HAT1: variants seen among roughly 807,000 people sequenced by gnomAD.
HAT1 encodes the protein histone acetyltransferase 1.
A neutral mutation model predicts 56.6 loss-of-function variants in HAT1; 20 were observed. The ratio of observed to expected loss-of-function variants is 0.35; its 90% CI spans 0.25 to 0.51. The LOEUF (loss-of-function observed/expected upper bound fraction) is 0.51, where lower values mean the gene tolerates loss of function less well. Ranked by LOEUF, HAT1 falls within the 20% of genes least tolerant of loss-of-function variation. The pLI is 0.95. For synonymous variants in HAT1, 146 were observed against 165.5 expected (o/e 0.88, Z 0.91); for missense variants, 408 against 504.3 (o/e 0.81, Z 1.83).
intron 10 of HAT1, chr2:171,980,492 G>C (rs1242251339): frequency 1.3e-5 from 2 of 151,806 alleles, no homozygotes; most frequent in Non-Finnish European, 2.9e-5. Context: ...TTCCCTCCTA[G>C]ATCAAATTGG....
intron 2 of HAT1, among the ~76,000 whole-genome samples, chr2:171,940,254 A>G (rs62182438): frequency 6.6e-6 from 1 of 152,044 alleles, no homozygotes; most frequent in Non-Finnish European, 1.5e-5. Context: ...ACGTATTCTC[A>G]TGCACATCCT....
intron 2 of HAT1, among the ~76,000 whole-genome samples, chr2:171,927,131 C>T (rs114831028): frequency 0.01 from 1,564 of 152,246 alleles, 23 homozygotes; most frequent in African/African-American, 0.035. Context: ...CACAGTGGAG[C>T]GCAGAGTAAC....
At chr2:171,977,524 AATATATATATATAT>A (rs1174016253) in intron 9 of HAT1, among the ~76,000 whole-genome samples, 1 of 36,352 alleles carries the variant, frequency 2.8e-5, no homozygotes, top group African/African-American at 7.5e-5. Flanking sequence ...CAGGCATATG[AATATATATATATAT>A]ATATATATAT....
At chr2:171,972,981 C>T (rs1261267393) in intron 8 of HAT1, among the ~76,000 whole-genome samples, 1 of 152,192 alleles carries the variant, frequency 6.6e-6, no homozygotes, top group Non-Finnish European at 1.5e-5. Flanking sequence ...TTATCTATGG[C>T]ATCCAATTGG....
chr2:171,924,892 T>C (rs1003817140), intron 1 of HAT1: 8 of 152,306 alleles, frequency 5.3e-5, no homozygotes, highest in African/African-American at 1.9e-4. Context: ...TTACATCTTA[T>C]AATGAAAAAG....
intron 8 of HAT1, among the ~76,000 whole-genome samples, chr2:171,975,081 A>G (rs773576986): frequency 6.6e-6 from 1 of 151,130 alleles, no homozygotes; most frequent in African/African-American, 2.4e-5. Flanking sequence ...TGAGTTGGAA[A>G]GTGTTTCCTC....
intron 10 of HAT1, chr2:171,980,868 A>T (rs1688113699): frequency 7.0e-6 from 1 of 142,034 alleles, no homozygotes; most frequent in South Asian, 2.2e-4. Flanking sequence ...AAAAAAAAAA[A>T]AAATTTAAAA....
At chr2:171,958,705 T>G (rs944432211) in intron 4 of HAT1, among the ~76,000 whole-genome samples, 2 of 152,226 alleles carry the variant, frequency 1.3e-5, no homozygotes, top group Non-Finnish European at 2.9e-5. Context: ...GGAATCTGAT[T>G]ACTTCATACT....
chr2:171,983,236 C>A lies in HAT1; in HGVS notation c.1144C>A (p.Leu382Met). The change falls in exon 11 of 11, where the codon CTG (leucine) becomes ATG (methionine). Residue 382 changes from leucine (L) to methionine (M), a missense_variant. Leu to Met is a conservative substitution (Grantham distance 15). Transcript: ENST00000264108. Reference protein sequence around the residue: ...KMRKCLRPEELTNQMNQIEIS... With the variant: ...KMRKCLRPEEMTNQMNQIEIS... ...GAGAAAATGTCTCAGACCAGAAGAACTGACAAACCAGATGAACCAAATAGA... is the reference window on the plus strand; with the variant it reads ...GAGAAAATGTCTCAGACCAGAAGAAATGACAAACCAGATGAACCAAATAGA... 1 of 1,604,212 alleles carries A rather than the reference C, an allele frequency of 6.2e-7. No homozygotes were observed. The highest frequency in any genetic ancestry group is 8.5e-7 in the Non-Finnish European group (1 of 1,173,038).
chr2:171,976,237 C>T lies in HAT1; in HGVS notation c.904C>T (p.Arg302Trp), dbSNP rs77061901. ...KLCQDLPCFS[R>W]EKLMQGFNED... ...TTGTCAAGATTTGCCCTGTTTTTCC[C>T]GGGAAAAATTAATGCAAGGATTCAA... is the stretch of plus-strand genomic sequence containing the variant. The change falls in exon 9 of 11, where the codon CGG becomes TGG. Residue 302 changes from arginine to tryptophan, a missense_variant. Arg to Trp is a moderately radical substitution (Grantham distance 101). Transcript: ENST00000264108. The T allele has an allele frequency of 2.5e-4, 392 of 1,590,158 alleles. 3 individuals are homozygous for T. In the African/African-American group the frequency reaches 4.3e-3, roughly 18 times the overall value.
chr2:171,943,726 CATATATATAT>C (rs141557606), intron 2 of HAT1, among the ~76,000 whole-genome samples: 2 of 142,996 alleles, frequency 1.4e-5, no homozygotes, highest in African/African-American at 2.6e-5. Flanking sequence ...TATGGACATT[CATATATATAT>C]ATATATATAT....
intron 8 of HAT1, among the ~76,000 whole-genome samples, chr2:171,970,558 C>G (rs1309056927): frequency 9.0e-6 from 1 of 111,364 alleles, no homozygotes; most frequent in Non-Finnish European, 1.6e-5. Flanking sequence ...CTCCCTCTGT[C>G]CCCCAGGCTG....
chr2:171,982,629 G>A (rs1558983427), intron 10 of HAT1, among the ~76,000 whole-genome samples: 1 of 152,120 alleles, frequency 6.6e-6, no homozygotes, highest in East Asian at 1.9e-4. Flanking sequence ...GTATGATAAT[G>A]TATGTCTGGA....
intron 3 of HAT1, among the ~76,000 whole-genome samples, chr2:171,951,945 G>A (rs138835148): frequency 4.6e-4 from 70 of 152,196 alleles, no homozygotes; most frequent in Non-Finnish European, 8.5e-4. Context: ...TTGCTGGAAT[G>A]GACAGTGCTC....
intron 2 of HAT1, among the ~76,000 whole-genome samples, chr2:171,932,683 T>C (rs1291170167): frequency 6.6e-6 from 1 of 151,956 alleles, no homozygotes; most frequent in Non-Finnish European, 1.5e-5. Context: ...GCCTGGGCAA[T>C]ATAATGAGAT....
At chr2:171,940,405 C>G (rs1686990227) in intron 2 of HAT1, among the ~76,000 whole-genome samples, 1 of 152,156 alleles carries the variant, frequency 6.6e-6, no homozygotes, top group South Asian at 2.1e-4. Flanking sequence ...TTCATTAGTT[C>G]TTCTAGTTAT....
intron 3 of HAT1, 76 bp from the exon 4 acceptor site, chr2:171,952,805 C>A: frequency 1.2e-6 from 1 of 857,218 alleles, no homozygotes; most frequent in Non-Finnish European, 1.7e-6. Flanking sequence ...TGAAGTTAAA[C>A]TTGTTTATAT....
chr2:171,939,692 C>T (rs1416291826), intron 2 of HAT1, among the ~76,000 whole-genome samples: 12 of 152,086 alleles, frequency 7.9e-5, no homozygotes, highest in Non-Finnish European at 1.8e-4. Context: ...ATTTTAATTA[C>T]GTCCTGCAAA....
At chr2:171,927,989 T>A (rs1420008265) in intron 2 of HAT1, among the ~76,000 whole-genome samples, 3 of 152,100 alleles carry the variant, frequency 2.0e-5, no homozygotes, top group Admixed American at 2.0e-4. Flanking sequence ...TGGGTTTAAG[T>A]GATTCTGGTG....
Sources: allele counts gnomAD v4.1 joint callset (sites outside exome capture counted in the v4.1 genomes callset), GRCh38; gene constraint gnomAD v4.1.1; transcripts MANE v1.5; gene names NCBI Gene and HGNC (gene_info 2026-07-23, HGNC 2026-07-21).